The following CSMD3 variants were observed in gnomAD, a reference collection of about 807,000 sequenced individuals.
CSMD3 encodes CUB and sushi domain-containing protein 3.
Under a neutral mutation model 435.2 loss-of-function variants are expected in CSMD3, and 177 were observed. The observed-to-expected ratio is 0.41, with a 90% CI of 0.36 to 0.46. CSMD3 has a LOEUF of 0.46. Ranked by LOEUF, CSMD3 falls within the 20% of genes least tolerant of loss-of-function variation. The probability of loss-of-function intolerance (pLI) is 0.34; values close to 1 mark genes in which losing one functional copy is unlikely to be tolerated. For missense variants in CSMD3, 4,265 were observed against 4,504.6 expected (o/e 0.95, Z 1.52); for synonymous variants, 1,656 against 1,520.5 (o/e 1.09, Z -2.07).
intron 3 of CSMD3, among the ~76,000 whole-genome samples, chr8:113,265,906 C>T (rs1264494659): frequency 4.0e-5 from 6 of 151,360 alleles, no homozygotes; most frequent in Non-Finnish European, 8.9e-5. Context: ...ATGACATTTC[C>T]TCGTATTCTG....
intron 1 of CSMD3, among the ~76,000 whole-genome samples, chr8:113,371,964 A>G (rs2094348338): frequency 6.6e-6 from 1 of 152,212 alleles, no homozygotes. Flanking sequence ...AGAATTTAAA[A>G]AAAAGATTTT....
At chr8:112,389,676 C>T (rs1256484632) in intron 36 of CSMD3, among the ~76,000 whole-genome samples, 2 of 152,130 alleles carry the variant, frequency 1.3e-5, no homozygotes, top group African/African-American at 2.4e-5. Context: ...TGCATGGCAT[C>T]TTGGCTAATT....
intron 1 of CSMD3, among the ~76,000 whole-genome samples, chr8:113,432,707 G>A (rs764617509): frequency 6.6e-6 from 1 of 152,166 alleles, no homozygotes; most frequent in Non-Finnish European, 1.5e-5. Context: ...TCTTAGATAA[G>A]TTATTTGAGT....
chr8:112,680,824 T>A (rs1486933959), intron 16 of CSMD3, among the ~76,000 whole-genome samples: 1 of 152,176 alleles, frequency 6.6e-6, no homozygotes, highest in Non-Finnish European at 1.5e-5. Flanking sequence ...AATGCTTCAA[T>A]TAAATTTGTT....
At chr8:112,788,281 A>G (rs2078603323) in intron 13 of CSMD3, among the ~76,000 whole-genome samples, 2 of 152,080 alleles carry the variant, frequency 1.3e-5, no homozygotes, top group Non-Finnish European at 2.9e-5. Flanking sequence ...ATAGCTATAT[A>G]CATGCCTTTT....
intron 22 of CSMD3, among the ~76,000 whole-genome samples, chr8:112,594,941 T>C (rs1831550479): frequency 6.6e-6 from 1 of 151,672 alleles, no homozygotes; most frequent in African/African-American, 2.4e-5. Flanking sequence ...AACTGGAAAC[T>C]CTAAAACGCA....
At position 112,848,488 on chromosome 8, in the gene CSMD3, CACATCCTTAAAT is replaced by C. The variant is rs1392360788; in HGVS notation, c.1755+10645_1755+10656del. The stretch of plus-strand genomic sequence containing the variant: ...GAGCTAGGTACTATGCTTATGCTTA[CACATCCTTAAAT>C]ACTCAACATATCTCAATATATGTAT... On this transcript the variant is annotated intron_variant, in intron 11 of 70. Transcript: ENST00000297405. 4.6e-5 allele frequency among the ~76,000 whole-genome samples: 7 copies of C among 152,162 alleles called. No individual in the cohort carries two copies. The South Asian group carries it at 1.5e-3, about 32-fold the overall frequency.
chr8:113,248,065 C>A (rs2093294503), intron 3 of CSMD3, among the ~76,000 whole-genome samples: 1 of 151,982 alleles, frequency 6.6e-6, no homozygotes, highest in Non-Finnish European at 1.5e-5. Context: ...TCAAGAAATT[C>A]ATAGAACAAA....
intron 12 of CSMD3, among the ~76,000 whole-genome samples, chr8:112,806,926 T>A (rs556808509): frequency 6.6e-6 from 1 of 152,178 alleles, no homozygotes; most frequent in African/African-American, 2.4e-5. Flanking sequence ...AGATTCGAAA[T>A]CAAACCAAGT....
At chr8:112,648,589 G>A (rs772424114) in intron 19 of CSMD3, among the ~76,000 whole-genome samples, 3 of 152,096 alleles carry the variant, frequency 2.0e-5, no homozygotes, top group South Asian at 2.1e-4. Flanking sequence ...GGAATATAAC[G>A]TGAAATAACC....
At chr8:113,161,853 CAA>C (rs941853519) in intron 4 of CSMD3, among the ~76,000 whole-genome samples, 8 of 152,072 alleles carry the variant, frequency 5.3e-5, no homozygotes, top group African/African-American at 1.9e-4. Context: ...CTTTATCAGC[CAA>C]AGTCAACTCA....
chr8:113,297,305 G>A (rs892597092), intron 2 of CSMD3, among the ~76,000 whole-genome samples: 4 of 149,612 alleles, frequency 2.7e-5, no homozygotes, highest in African/African-American at 5.1e-5. Flanking sequence ...GAATCTGGTC[G>A]CACATTAACT....
chr8:112,615,598 T>G (rs898184681), intron 22 of CSMD3, among the ~76,000 whole-genome samples: 6 of 152,028 alleles, frequency 3.9e-5, no homozygotes. Flanking sequence ...CATCATGAAA[T>G]TTAACCAATA....
At chr8:113,351,516 GGAGA>G (rs564469224) in intron 1 of CSMD3, among the ~76,000 whole-genome samples, 87 of 151,978 alleles carry the variant, frequency 5.7e-4, no homozygotes, top group African/African-American at 2.1e-3. Context: ...TGAGAAAAAT[GGAGA>G]TAGAGTGAAA....
chr8:112,376,203 G>A (rs1276680226), intron 38 of CSMD3, among the ~76,000 whole-genome samples: 1 of 152,016 alleles, frequency 6.6e-6, no homozygotes, highest in Non-Finnish European at 1.5e-5. Context: ...CTGTAATATT[G>A]CTTTATCTTT....
intron 62 of CSMD3, among the ~76,000 whole-genome samples, chr8:112,254,529 A>G (rs1007287772): frequency 1.7e-4 from 26 of 152,020 alleles, no homozygotes; most frequent in Non-Finnish European, 1.5e-4. Flanking sequence ...ATTTGATATG[A>G]ATTATGAAAT....
intron 27 of CSMD3, among the ~76,000 whole-genome samples, chr8:112,537,967 A>G (rs967232175): frequency 6.6e-6 from 1 of 152,100 alleles, no homozygotes; most frequent in African/African-American, 2.4e-5. Flanking sequence ...ATTGAACACA[A>G]TAACACATTA....
chr8:112,790,708 C>G (rs1310805233), intron 13 of CSMD3, among the ~76,000 whole-genome samples: 1 of 152,128 alleles, frequency 6.6e-6, no homozygotes, highest in Non-Finnish European at 1.5e-5. Flanking sequence ...AGTATAACCA[C>G]TTCAACATTT....
chr8:112,618,632 T>C (rs1284316616), intron 22 of CSMD3, among the ~76,000 whole-genome samples: 2 of 151,434 alleles, frequency 1.3e-5, no homozygotes, highest in African/African-American at 4.9e-5. Flanking sequence ...CAGACCATCA[T>C]GGAGTATAGA....
Sources: allele counts gnomAD v4.1 joint callset (sites outside exome capture counted in the v4.1 genomes callset), GRCh38; gene constraint gnomAD v4.1.1; transcripts MANE v1.5; gene names NCBI Gene and HGNC (gene_info 2026-07-23, HGNC 2026-07-21).